The following POM121 variants were observed in gnomAD, a reference collection of about 807,000 sequenced individuals.
The protein encoded by POM121 is nuclear envelope pore membrane protein POM 121.
In POM121, 32 loss-of-function variants were observed where a neutral mutation model predicts 81.3. That is an observed-to-expected ratio of 0.39 (90% CI 0.30 to 0.53). The LOEUF is 0.53. Among genes scored for constraint, POM121 ranks in the 20% least tolerant of loss-of-function variants. The pLI is 0.66. For synonymous variants in POM121, 514 were observed against 694.2 expected, an observed-to-expected ratio of 0.74 and a Z score of 4.08; for missense variants, 1,138 against 1,614.6, an observed-to-expected ratio of 0.70 and a Z score of 5.06.
intron 3 of POM121, among the ~76,000 whole-genome samples, chr7:72,900,904 T>C (rs1382732222): frequency 1.3e-5 from 2 of 152,076 alleles, no homozygotes; most frequent in Admixed American, 1.3e-4. Context: ...TTAAGTTTTT[T>C]TTTTTTTATT....
chr7:72,896,312 T>C lies in POM121; in HGVS notation c.-216+5202T>C, dbSNP rs3960650. 2.7e-3 allele frequency among the ~76,000 whole-genome samples: 402 copies of C among 151,350 alleles called. 2 individuals are homozygous for C. Among genetic ancestry groups the C allele is most frequent in the Non-Finnish European group, 4.6e-3 (309 of 67,630 alleles). On this transcript the variant is annotated intron_variant, in intron 3 of 15. Transcript: ENST00000395270. ...TCAGCCTGGGCAACATAAGGAGACC[T>C]CATTTCTACAAAAAAATTTAAAAAT... is the stretch of plus-strand genomic sequence containing the variant.
chr7:72,950,086 C>T (rs782775551), downstream of POM121: 53 of 1,580,928 alleles, frequency 3.4e-5, 1 homozygote, highest in Non-Finnish European at 4.0e-5. Flanking sequence ...GTGTCCGGCC[C>T]GGTACAGTGG....
intron 2 of POM121, 58 bp downstream of exon 2, chr7:72,926,535 A>G: frequency 1.2e-6 from 2 of 1,605,230 alleles, no homozygotes; most frequent in Non-Finnish European, 1.7e-6. Flanking sequence ...ATTCTTCTCC[A>G]GTTGTTCCTA....
intron 3 of POM121, among the ~76,000 whole-genome samples, chr7:72,927,437 A>T (rs1795569446): frequency 6.6e-6 from 1 of 152,158 alleles, no homozygotes; most frequent in East Asian, 1.9e-4. Context: ...TGGCAGGGCA[A>T]GGTGGCTCAG....
chr7:72,889,971 G>A (rs1166667872), intron 1 of POM121, among the ~76,000 whole-genome samples: 7 of 152,350 alleles, frequency 4.6e-5, no homozygotes, highest in African/African-American at 1.7e-4. Context: ...ATGGCATAAA[G>A]TTAAACTAAT....
chr7:72,925,230 C>T lies in POM121; in HGVS notation c.109C>T (p.Leu37=). The T allele has an allele frequency of 6.5e-7, 1 of 1,533,494 alleles. No individual in the cohort carries two copies. The highest frequency in any genetic ancestry group is 8.7e-7 in the Non-Finnish European group (1 of 1,146,036). 95.0% of individuals were successfully genotyped at this position (1,533,494 alleles called of 1,614,324 possible). The stretch of plus-strand genomic sequence containing the variant: ...CGGCGGGCCGGCCAGGGCGGTGCTC[C>T]TGGGCCTGTCGCTGGTTGGCCTCTT... ...GCGGPARAVL[L]GLSLVGLLLY... The change falls in exon 1 of 13, where the codon CTG becomes TTG. Residue 37 remains leucine (L), a synonymous_variant. Transcript: ENST00000434423.
At chr7:72,889,325 C>G (rs7799826) in intron 1 of POM121, among the ~76,000 whole-genome samples, 1 of 152,200 alleles carries the variant, frequency 6.6e-6, no homozygotes, top group South Asian at 2.1e-4. Context: ...CTAGCTGTAT[C>G]ACTGGGTTTG....
chr7:72,926,299 C>G lies in POM121; in HGVS notation c.682C>G (p.Pro228Ala). ...TTTACCAAATCGGTTTGTAATAACA[C>G]CTAGAAGACGCTATCCGATCCATCA... ...GTLPNRFVIT[P>A]RRRYPIHQAQ... The change falls in exon 2 of 13, where the codon CCT (proline) becomes GCT (alanine). Residue 228 changes from proline (P) to alanine (A), a missense_variant. Physicochemically the swap from Pro to Ala is conservative, Grantham distance 27. Around this residue, in one of 7 missense-constraint regions of POM121, gnomAD observed 646 missense variants for 633.5 expected, o/e 1.02. Transcript: ENST00000434423. 6.3e-7 allele frequency: 1 copy of G among 1,583,668 alleles called. No individual in the cohort carries two copies. The highest frequency in any genetic ancestry group is 8.6e-7 in the Non-Finnish European group (1 of 1,164,240).
chr7:72,916,045 A>C (rs1276918057), intron 4 of POM121, among the ~76,000 whole-genome samples: 1 of 152,142 alleles, frequency 6.6e-6, no homozygotes, highest in Non-Finnish European at 1.5e-5. Context: ...TTCTGGATCT[A>C]CAAGAATCTA....
At chr7:72,944,612 G>A (rs1396306846) in intron 11 of POM121, among the ~76,000 whole-genome samples, 6 of 152,164 alleles carry the variant, frequency 3.9e-5, no homozygotes, top group African/African-American at 7.2e-5. Flanking sequence ...GGTGCCACCC[G>A]GCCATGGAGA....
chr7:72,906,310 C>T (rs1218881660), intron 3 of POM121, among the ~76,000 whole-genome samples: 1 of 152,188 alleles, frequency 6.6e-6, no homozygotes, highest in Non-Finnish European at 1.5e-5. Context: ...ACCCATCGGA[C>T]CCACCAAGGT....
At chr7:72,907,422 T>C (rs1322268873) in intron 3 of POM121, among the ~76,000 whole-genome samples, 1 of 152,316 alleles carries the variant, frequency 6.6e-6, no homozygotes, top group Non-Finnish European at 1.5e-5. Context: ...CACCCAGATA[T>C]TTACCGTCTT....
At chr7:72,900,253 A>T (rs1419460194) in intron 3 of POM121, among the ~76,000 whole-genome samples, 2 of 152,038 alleles carry the variant, frequency 1.3e-5, no homozygotes, top group Admixed American at 1.3e-4. Flanking sequence ...TGAGGGTGGG[A>T]GCTGGGTGCC....
intron 11 of POM121, 55 bp from the exon 12 acceptor site, chr7:72,945,531 C>T: frequency 6.2e-7 from 1 of 1,605,292 alleles, no homozygotes; most frequent in Non-Finnish European, 8.5e-7. Flanking sequence ...TGCCCGGCTC[C>T]TCGCTTGCCT....
chr7:72,910,453 C>A (rs1793696379), intron 3 of POM121, among the ~76,000 whole-genome samples: 1 of 152,072 alleles, frequency 6.6e-6, no homozygotes, highest in Non-Finnish European at 1.5e-5. Context: ...GTTGGAGAAT[C>A]CTTGCTTCTA....
At chr7:72,915,088 A>G (rs1452770555) in intron 4 of POM121, among the ~76,000 whole-genome samples, 1 of 152,202 alleles carries the variant, frequency 6.6e-6, no homozygotes, top group Non-Finnish European at 1.5e-5. Context: ...GTTAGCAACA[A>G]TCTTGAGAGA....
chr7:72,925,191 C>T lies in POM121; in HGVS notation c.70C>T (p.Arg24Trp), dbSNP rs1438318874. 12 of 1,501,258 alleles carry T rather than the reference C, an allele frequency of 8.0e-6. No homozygotes were observed. Among genetic ancestry groups the T allele is most frequent in the Admixed American group, 4.0e-5 (2 of 49,422 alleles). 93.0% of individuals were successfully genotyped at this position (1,501,258 alleles called of 1,614,324 possible). ...RRPIASVRDG[R>W]GRGCGGPARA... ...GCCCATAGCGAGTGTCAGGGACGGCCGGGGCCGGGGCTGCGGCGGGCCGGC... is the reference window on the plus strand; with the variant it reads ...GCCCATAGCGAGTGTCAGGGACGGCTGGGGCCGGGGCTGCGGCGGGCCGGC... The change falls in exon 1 of 13, where the codon CGG becomes TGG. Residue 24 changes from arginine (R) to tryptophan (W), a missense_variant. By Grantham distance (101) the Arg-to-Trp change is moderately radical. Transcript: ENST00000434423.
At chr7:72,901,432 G>A (rs1452444025) in intron 3 of POM121, among the ~76,000 whole-genome samples, 2 of 150,858 alleles carry the variant, frequency 1.3e-5, no homozygotes, top group Non-Finnish European at 2.9e-5. Context: ...TCGGCTCACT[G>A]CAACCTCCAC....
intron 3 of POM121, among the ~76,000 whole-genome samples, chr7:72,910,635 G>C (rs557760258): frequency 1.8e-4 from 27 of 151,986 alleles, no homozygotes; most frequent in African/African-American, 6.3e-4. Context: ...AGGGTCAACA[G>C]GTCTTTGTTC....
Sources: allele counts gnomAD v4.1 joint callset (sites outside exome capture counted in the v4.1 genomes callset), GRCh38; gene constraint gnomAD v4.1.1; regional missense constraint gnomAD v4.1.1; transcripts MANE v1.5; gene names NCBI Gene and HGNC (gene_info 2026-07-23, HGNC 2026-07-21).